Variants in SLC52A2 observed in about 807,000 individuals in gnomAD.
SLC52A2 encodes solute carrier family 52, riboflavin transporter, member 2.
Under a neutral mutation model 24.8 loss-of-function variants are expected in SLC52A2, and 16 were observed. That is an observed-to-expected ratio of 0.64 (90% CI 0.44 to 0.98). SLC52A2 has a LOEUF of 0.98. Ranked by LOEUF, SLC52A2 falls within the 50% of genes least tolerant of loss-of-function variation. The pLI is 0.00. For synonymous variants in SLC52A2, 335 were observed against 276.3 expected (o/e 1.21, Z -2.11); for missense variants, 612 against 575.9 (o/e 1.06, Z -0.64).
rs782800470 is a variant in SLC52A2, at chr8:144,359,645, C to T, written c.153C>T (p.Val51=). 2 of 1,613,730 alleles carry T rather than the reference C, an allele frequency of 1.2e-6. No individual in the cohort carries two copies. The highest frequency in any genetic ancestry group is 1.3e-5 in the African/African-American group (1 of 74,930). The change falls in exon 3 of 5, where the codon GTC becomes GTT. Residue 51 remains valine (V), a synonymous_variant. Transcript: ENST00000643944. ...CAGGTTGGAGCCTCCCCTCTTACGT[C>T]TCTGTGCTTGTGGCTCTGGGGAACC... ...LPEGWSLPSY[V]SVLVALGNLG...
Position 144,359,713 on chromosome 8 carries a change from G to A in SLC52A2, c.221G>A (p.Gly74Glu). Reference sequence around the variant, plus strand: ...ACCCTCTGGAGGAGGCTGGCCCCAGGAAAGGACGAGCAGGTCCCCATCCGG... The same window carrying A: ...ACCCTCTGGAGGAGGCTGGCCCCAGAAAAGGACGAGCAGGTCCCCATCCGG... ...VVTLWRRLAP[G>E]KDEQVPIRVV... is the part of the protein sequence containing the mutation. The change falls in exon 3 of 5, where the codon GGA becomes GAA. Residue 74 changes from glycine (G) to glutamate (E), a missense_variant. Physicochemically the swap from Gly to Glu is moderately conservative, Grantham distance 98 (BLOSUM62 -2). Coordinates refer to ENST00000643944, the MANE Select transcript of SLC52A2 (RefSeq NM_001363118.2). 6.2e-7 allele frequency: 1 copy of A among 1,613,642 alleles called. No homozygotes were observed. Among genetic ancestry groups the A allele is most frequent in the South Asian group, 1.1e-5 (1 of 91,086 alleles).
Position 144,361,170 on chromosome 8 carries a change from G to A in SLC52A2, c.*155G>A. On this transcript the variant is annotated 3_prime_UTR_variant, in exon 5 of 5. Coordinates refer to ENST00000643944, the MANE Select transcript of SLC52A2 (RefSeq NM_001363118.2). ...GATCCTGGCTTTCCAGGGTGGGCAA[G>A]GGCAAGGAGCAGGCTTGGAGCCAGG... The A allele has an allele frequency of 5.1e-6, 4 of 776,706 alleles. No homozygotes were observed. The highest frequency in any genetic ancestry group is 1.7e-5 in the African/African-American group (1 of 57,702). 48.1% of individuals were successfully genotyped at this position (776,706 alleles called of 1,614,324 possible). A position where few individuals can be genotyped will look rare whatever the true frequency, so the allele number is the denominator to read the frequency against.
rs148535877 is a variant in SLC52A2 at position 144,359,250 on chromosome 8, C to T, written c.-44C>T. The stretch of plus-strand genomic sequence containing the variant: ...TGGCCCTAGGTGGGAAAAGAACTGG[C>T]TGTGACCTTTGCCCTGACCTGGAAG... On this transcript the variant is annotated 5_prime_UTR_variant, in exon 2 of 5. Transcript: ENST00000643944. 2,786 of 1,577,776 alleles carry T rather than the reference C, an allele frequency of 1.8e-3. 4 individuals carry two copies. Among genetic ancestry groups the T allele is most frequent in the Middle Eastern group, 2.7e-3 (16 of 5,858 alleles).
chr8:144,359,710 C>G lies in SLC52A2; in HGVS notation c.218C>G (p.Pro73Arg). 2 of 1,613,622 alleles carry G rather than the reference C, an allele frequency of 1.2e-6. No homozygotes were observed. Among genetic ancestry groups the G allele is most frequent in the Non-Finnish European group, 1.7e-6 (2 of 1,180,006 alleles). Residue 73 changes from proline to arginine, a missense_variant, in exon 3 of 5, where the codon CCA (proline) becomes CGA (arginine). Coordinates refer to ENST00000643944, the MANE Select transcript of SLC52A2 (RefSeq NM_001363118.2). ...LVVTLWRRLA[P>R]GKDEQVPIRV... ...GTGACCCTCTGGAGGAGGCTGGCCCCAGGAAAGGACGAGCAGGTCCCCATC... is the reference window on the plus strand; with the variant it reads ...GTGACCCTCTGGAGGAGGCTGGCCCGAGGAAAGGACGAGCAGGTCCCCATC...
At position 144,360,271 on chromosome 8, in the gene SLC52A2, C is replaced by G; in HGVS notation, c.779C>G (p.Thr260Ser). ...GAGCCACCAAGCCAGGCAGCAGGCACCACCCCTGGTCCAGACCCTAAGGCC... is the reference window on the plus strand; with the variant it reads ...GAGCCACCAAGCCAGGCAGCAGGCAGCACCCCTGGTCCAGACCCTAAGGCC... ...LQEPPSQAAG[T>S]TPGPDPKAYQ... is the part of the protein sequence containing the mutation. The change falls in exon 3 of 5, where the codon ACC becomes AGC. Residue 260 changes from threonine (T) to serine (S), a missense_variant. Coordinates refer to ENST00000643944, the MANE Select transcript of SLC52A2 (RefSeq NM_001363118.2). 1 of 1,612,262 alleles carries G rather than the reference C, an allele frequency of 6.2e-7. No homozygotes were observed. The highest frequency in any genetic ancestry group is 8.5e-7 in the Non-Finnish European group (1 of 1,180,024).
chr8:144,360,688 G>T lies in SLC52A2; in HGVS notation c.1100G>T (p.Gly367Val), dbSNP rs782571394. 6.2e-7 allele frequency: 1 copy of T among 1,604,028 alleles called. No homozygotes were observed. The highest frequency in any genetic ancestry group is 8.5e-7 in the Non-Finnish European group (1 of 1,178,218). Residue 367 changes from glycine to valine, a missense_variant, in exon 4 of 5, where the codon GGC becomes GTC. By Grantham distance (109) the Gly-to-Val change is moderately radical. Coordinates refer to ENST00000643944, the MANE Select transcript of SLC52A2 (RefSeq NM_001363118.2). ...AVLSPCPPLV[G>V]TSAGVVLVVL... ...CTGAGCCCCTGCCCGCCCCTGGTGGGCACCTCGGCGGGGGTGGTCCTCGTG... is the reference window on the plus strand; with the variant it reads ...CTGAGCCCCTGCCCGCCCCTGGTGGTCACCTCGGCGGGGGTGGTCCTCGTG...
rs782814112 is a variant in SLC52A2, at chr8:144,360,794, C to T, written c.1126-9C>T. 5 of 1,611,452 alleles carry T rather than the reference C, an allele frequency of 3.1e-6. No homozygotes were observed. In the Admixed American group the frequency reaches 5.0e-5, roughly 16 times the overall value. ...ATCTCACGCTCAGCTGGTGCTGTGTCCCCCTCAGGTGCTGTCGTGGGTGCT... is the reference window on the plus strand; with the variant it reads ...ATCTCACGCTCAGCTGGTGCTGTGTTCCCCTCAGGTGCTGTCGTGGGTGCT... On this transcript the variant is annotated splice_polypyrimidine_tract_variant and intron_variant, in intron 4 of 4. Transcript: ENST00000643944.
At position 144,360,506 on chromosome 8, in the gene SLC52A2, C is replaced by T; in HGVS notation, c.1001+13C>T. 2 of 1,588,986 alleles carry T rather than the reference C, an allele frequency of 1.3e-6. No homozygotes were observed. The highest frequency in any genetic ancestry group is 1.1e-5 in the South Asian group (1 of 90,318). Reference sequence around the variant, plus strand: ...GTGTGCTGTGCAGGTACACAAGGACCCCCAGCCCCTGTGCGGGTGGAACTC... The same window carrying T: ...GTGTGCTGTGCAGGTACACAAGGACTCCCAGCCCCTGTGCGGGTGGAACTC... On this transcript the variant is annotated intron_variant, in intron 3 of 4. Coordinates refer to ENST00000643944, the MANE Select transcript of SLC52A2 (RefSeq NM_001363118.2).
chr8:144,358,770 T>C lies in SLC52A2; in HGVS notation c.-406T>C. 3.6e-6 allele frequency: 1 copy of C among 280,216 alleles called. No individual in the cohort carries two copies. The highest frequency in any genetic ancestry group is 6.7e-6 in the Non-Finnish European group (1 of 150,164). The allele number at this position is 280,216 out of a possible 1,614,324, so 17.4% of individuals were successfully genotyped here. ...GCGCAGGGACCGGACGGCTCCCGAG[T>C]CGCCCACCTGACGGTACCGAGAGGG... On this transcript the variant is annotated 5_prime_UTR_variant, in exon 1 of 5. Coordinates refer to ENST00000643944, the MANE Select transcript of SLC52A2 (RefSeq NM_001363118.2).
chr8:144,359,723 G>A lies in SLC52A2; in HGVS notation c.231G>A (p.Glu77=), dbSNP rs1707873519. The change falls in exon 3 of 5, where the codon GAG becomes GAA. Residue 77 remains glutamate, a synonymous_variant. Coordinates refer to ENST00000643944, the MANE Select transcript of SLC52A2 (RefSeq NM_001363118.2). ...LWRRLAPGKD[E]QVPIRVVQVL... is the part of the protein sequence containing the mutation. ...GGAGGCTGGCCCCAGGAAAGGACGA[G>A]CAGGTCCCCATCCGGGTGGTGCAGG... is the stretch of plus-strand genomic sequence containing the variant. 2 of 1,613,534 alleles carry A rather than the reference G, an allele frequency of 1.2e-6. No individual in the cohort carries two copies. Among genetic ancestry groups the A allele is most frequent in the African/African-American group, 2.7e-5 (2 of 74,930 alleles).
At position 144,360,058 on chromosome 8, in the gene SLC52A2, A is replaced by G. The variant is rs1586555087; in HGVS notation, c.566A>G (p.Glu189Gly). ...GTPGPPLDFLERFPASTFFWA... is the reference protein window; with the variant it reads ...GTPGPPLDFLGRFPASTFFWA... ...CCTGGCCCCCCGCTCGACTTCCTTG[A>G]GCGTTTTCCCGCCAGCACCTTCTTC... Residue 189 changes from glutamate to glycine, a missense_variant, in exon 3 of 5, where the codon GAG (glutamate) becomes GGG (glycine). Coordinates refer to ENST00000643944, the MANE Select transcript of SLC52A2 (RefSeq NM_001363118.2). 1 of 1,612,650 alleles carries G rather than the reference A, an allele frequency of 6.2e-7. No individual in the cohort carries two copies. The highest frequency in any genetic ancestry group is 8.5e-7 in the Non-Finnish European group (1 of 1,179,956).
Position 144,359,434 on chromosome 8 carries a change from G to A in SLC52A2, c.130+11G>A, listed in dbSNP as rs782773202. On this transcript the variant is annotated intron_variant, in intron 2 of 4. Coordinates refer to ENST00000643944, the MANE Select transcript of SLC52A2 (RefSeq NM_001363118.2). Reference sequence around the variant, plus strand: ...AAGAGCTTCCAGAGGGTGAGTGGGAGGGAGGTGCAGGTGTGCCCAAGACTC... The same window carrying A: ...AAGAGCTTCCAGAGGGTGAGTGGGAAGGAGGTGCAGGTGTGCCCAAGACTC... 2.1e-5 allele frequency: 34 copies of A among 1,612,782 alleles called. No homozygotes were observed. The highest frequency in any genetic ancestry group is 4.4e-5 in the South Asian group (4 of 90,912).
intron 3 of SLC52A2, 29 bp downstream of exon 3, chr8:144,360,522 G>C: frequency 6.3e-7 from 1 of 1,585,646 alleles, no homozygotes; most frequent in Non-Finnish European, 8.5e-7. Flanking sequence ...CCCCTGTGCG[G>C]GTGGAACTCA....
chr8:144,359,298 C>G lies in SLC52A2; in HGVS notation c.5C>G (p.Ala2Gly). The change falls in exon 2 of 5, where the codon GCA (alanine) becomes GGA (glycine). Residue 2 changes from alanine (A) to glycine (G), a missense_variant. Transcript: ENST00000643944. The stretch of plus-strand genomic sequence containing the variant: ...AAGGGCCCAGCCTTGGGCTGAATGG[C>G]AGCACCCACGCCCGCCCGTCCGGTG... M[A>G]APTPARPVLT... 6.2e-7 allele frequency: 1 copy of G among 1,611,294 alleles called. No individual in the cohort carries two copies. Among genetic ancestry groups the G allele is most frequent in the Non-Finnish European group, 8.5e-7 (1 of 1,178,646 alleles).
chr8:144,358,646 G>C lies in SLC52A2; in HGVS notation c.-530G>C. The stretch of plus-strand genomic sequence containing the variant: ...TCGTGGCTGCTGCCGGGTCCTGCGC[G>C]CTCCGGACTGAGGTGGCGTCCCTGG... On this transcript the variant is annotated 5_prime_UTR_variant, in exon 1 of 5. Coordinates refer to ENST00000643944, the MANE Select transcript of SLC52A2 (RefSeq NM_001363118.2). 5.3e-6 allele frequency: 3 copies of C among 570,232 alleles called. No homozygotes were observed. Among genetic ancestry groups the C allele is most frequent in the Non-Finnish European group, 7.7e-6 (3 of 387,658 alleles). The allele number at this position is 570,232 out of a possible 1,614,324, so 35.3% of individuals were successfully genotyped here.
In SLC52A2 at chr8:144,360,540, G is replaced by A. The variant is rs373788254; in HGVS notation, c.1001+47G>A. The A allele has an allele frequency of 5.1e-6, 8 of 1,580,174 alleles. No individual in the cohort carries two copies. The South Asian group carries it at 7.8e-5, about 15-fold the overall frequency. On this transcript the variant is annotated intron_variant, in intron 3 of 4. Coordinates refer to ENST00000643944, the MANE Select transcript of SLC52A2 (RefSeq NM_001363118.2). ...CTGTGCGGGTGGAACTCAGGGCTAG[G>A]AGCCAGGTCCTGGCGCAGTCAGCCC...
rs782322848 is a variant in SLC52A2, at chr8:144,359,921, C to T, written c.429C>T (p.Phe143=). 2 of 1,613,714 alleles carry T rather than the reference C, an allele frequency of 1.2e-6. No individual in the cohort carries two copies. Among genetic ancestry groups the T allele is most frequent in the South Asian group, 1.1e-5 (1 of 91,084 alleles). The stretch of plus-strand genomic sequence containing the variant: ...TCTTGAGCCACCTGCCACCTCGCTT[C>T]TTACGGTCATTCTTCCTGGGTCAAG... The part of the protein sequence containing the change: ...LPFLSHLPPR[F]LRSFFLGQGL... The change falls in exon 3 of 5, where the codon TTC becomes TTT. Residue 143 remains phenylalanine (F), a synonymous_variant. Coordinates refer to ENST00000643944, the MANE Select transcript of SLC52A2 (RefSeq NM_001363118.2).
chr8:144,360,856 C>T lies in SLC52A2; in HGVS notation c.1179C>T (p.Ala393=), dbSNP rs781991403. The change falls in exon 5 of 5, where the codon GCC becomes GCT. Residue 393 remains alanine, a synonymous_variant. Coordinates refer to ENST00000643944, the MANE Select transcript of SLC52A2 (RefSeq NM_001363118.2). ...LGVFSYVKVA[A]SSLLHGGGRP... is the part of the protein sequence containing the mutation. The stretch of plus-strand genomic sequence containing the variant: ...TGTTCTCCTACGTGAAGGTGGCAGC[C>T]AGCTCCCTGCTGCATGGCGGGGGCC... 6.2e-7 allele frequency: 1 copy of T among 1,613,282 alleles called. No homozygotes were observed. The highest frequency in any genetic ancestry group is 1.1e-5 in the South Asian group (1 of 91,060).
At position 144,360,041 on chromosome 8, in the gene SLC52A2, C is replaced by T; in HGVS notation, c.549C>T (p.Pro183=). 3.1e-6 allele frequency: 5 copies of T among 1,612,960 alleles called. No individual in the cohort carries two copies. Among genetic ancestry groups the T allele is most frequent in the Non-Finnish European group, 3.4e-6 (4 of 1,180,028 alleles). The change falls in exon 3 of 5, where the codon CCC becomes CCT. Residue 183 remains proline (P), a synonymous_variant. Coordinates refer to ENST00000643944, the MANE Select transcript of SLC52A2 (RefSeq NM_001363118.2). The stretch of plus-strand genomic sequence containing the variant: ...CCCCCATCAACGGCACCCCTGGCCC[C>T]CCGCTCGACTTCCTTGAGCGTTTTC... ...PPAPINGTPG[P]PLDFLERFPA...
Sources: allele counts gnomAD v4.1 joint callset, GRCh38; gene constraint gnomAD v4.1.1; transcripts MANE v1.5; gene names NCBI Gene and HGNC (gene_info 2026-07-23, HGNC 2026-07-21).